Variants in RBFOX1 observed in about 807,000 individuals in gnomAD.
The protein encoded by RBFOX1 is RNA binding protein fox-1 homolog 1.
RBFOX1 carries 8 observed loss-of-function variants against 57.7 expected under a neutral mutation model. That is an observed-to-expected ratio of 0.14 (90% CI 0.08 to 0.25). The LOEUF is 0.25. Ranked by LOEUF, RBFOX1 falls within the 10% of genes least tolerant of loss-of-function variation. RBFOX1 has a pLI of 1.00. For missense variants in RBFOX1, 611 were observed against 548.5 expected, an observed-to-expected ratio of 1.11 and a Z score of -1.14; for synonymous variants, 326 against 222.4, an observed-to-expected ratio of 1.47 and a Z score of -4.15.
chr16:6,761,186 A>G (rs1419513737), intron 3 of RBFOX1, among the ~76,000 whole-genome samples: 1 of 152,156 alleles, frequency 6.6e-6, no homozygotes, highest in Non-Finnish European at 1.5e-5. Flanking sequence ...ACTTTATTTT[A>G]GAACTAAAGG....
intron 3 of RBFOX1, among the ~76,000 whole-genome samples, chr16:6,767,019 A>G (rs1052708139): frequency 1.1e-4 from 17 of 152,126 alleles, no homozygotes; most frequent in Non-Finnish European, 2.5e-4. Context: ...ATTTCTGGTC[A>G]TGGCGAGGTC....
chr16:6,036,812 G>T (rs569892037), intron 1 of RBFOX1, among the ~76,000 whole-genome samples: 1 of 152,322 alleles, frequency 6.6e-6, no homozygotes, highest in Non-Finnish European at 1.5e-5. Context: ...TATCTGGGCA[G>T]AAGGCTCATA....
At chr16:7,492,691 A>T (rs566652385) in intron 4 of RBFOX1, among the ~76,000 whole-genome samples, 1 of 152,254 alleles carries the variant, frequency 6.6e-6, no homozygotes, top group East Asian at 1.9e-4. Context: ...GTTTAGTGCC[A>T]TACCCTTGGT....
chr16:7,157,823 T>C lies in RBFOX1; in HGVS notation c.27+105725T>C, dbSNP rs140629007. ...GTTTTCCCTTTGGTTTTAAAGAAAA[T>C]GTAGATAAAAATCTGATAGTCTACT... On this transcript the variant is annotated intron_variant, in intron 4 of 15. Transcript: ENST00000550418. Among the ~76,000 whole-genome samples the C allele has an allele frequency of 7.9e-3, 1,206 of 152,252 alleles. 18 individuals carry two copies. Among genetic ancestry groups the C allele is most frequent in the African/African-American group, 0.027 (1,137 of 41,544 alleles).
intron 2 of RBFOX1, among the ~76,000 whole-genome samples, chr16:5,506,646 C>T (rs928747441): frequency 5.9e-5 from 9 of 152,246 alleles, no homozygotes; most frequent in African/African-American, 2.2e-4. Flanking sequence ...GGCCTGATCA[C>T]AGAGAAGGTG....
chr16:5,358,668 A>G (rs1168920190), intron 1 of RBFOX1, among the ~76,000 whole-genome samples: 2 of 152,214 alleles, frequency 1.3e-5, no homozygotes, highest in African/African-American at 4.8e-5. Context: ...TACTAAAAAT[A>G]CAAAATTAGC....
intron 1 of RBFOX1, among the ~76,000 whole-genome samples, chr16:6,164,092 C>G (rs1597952819): frequency 6.6e-6 from 1 of 152,154 alleles, no homozygotes; most frequent in Admixed American, 6.5e-5. Context: ...TCACGCTGTA[C>G]TCAATGTTGC....
chr16:5,700,686 C>T (rs774438581), intron 3 of RBFOX1, among the ~76,000 whole-genome samples: 10 of 152,132 alleles, frequency 6.6e-5, no homozygotes, highest in East Asian at 1.9e-4. Flanking sequence ...TGTTTTTGCC[C>T]GCTTCTGAGA....
intron 2 of RBFOX1, among the ~76,000 whole-genome samples, chr16:6,615,928 C>A (rs2098134706): frequency 6.6e-6 from 1 of 152,130 alleles, no homozygotes; most frequent in African/African-American, 2.4e-5. Flanking sequence ...TCCCTCGGTG[C>A]AGAAACTATC....
intron 3 of RBFOX1, among the ~76,000 whole-genome samples, chr16:6,967,937 G>C (rs1407181587): frequency 6.6e-6 from 1 of 152,154 alleles, no homozygotes; most frequent in South Asian, 2.1e-4. Context: ...AGCTGCCCCG[G>C]GTGCCAGAAG....
At chr16:7,190,902 A>G (rs9940878) in intron 4 of RBFOX1, among the ~76,000 whole-genome samples, 1,746 of 152,252 alleles carry the variant, frequency 0.011, 32 homozygotes, top group African/African-American at 0.04. Flanking sequence ...GAGAATCATG[A>G]AGGAAGCATA....
chr16:5,760,022 A>C (rs2151641714), intron 3 of RBFOX1, among the ~76,000 whole-genome samples: 1 of 151,552 alleles, frequency 6.6e-6, no homozygotes, highest in Non-Finnish European at 1.5e-5. Flanking sequence ...AAAAAAAAAA[A>C]CCTTGTATTT....
At chr16:7,385,123 A>G (rs1025373388) in intron 4 of RBFOX1, among the ~76,000 whole-genome samples, 3 of 152,250 alleles carry the variant, frequency 2.0e-5, no homozygotes, top group African/African-American at 7.2e-5. Context: ...AGGTCTGAGA[A>G]TTGGGCAAAG....
chr16:5,944,075 A>G (rs775159011), intron 4 of RBFOX1, among the ~76,000 whole-genome samples: 2 of 152,106 alleles, frequency 1.3e-5, no homozygotes, highest in African/African-American at 4.8e-5. Flanking sequence ...CATTCAGCCC[A>G]CATACATAGA....
chr16:7,213,778 A>C (rs1603263122), intron 4 of RBFOX1, among the ~76,000 whole-genome samples: 1 of 152,108 alleles, frequency 6.6e-6, no homozygotes, highest in Non-Finnish European at 1.5e-5. Flanking sequence ...CCATAAACCA[A>C]CTCAAATCTA....
intron 5 of RBFOX1, among the ~76,000 whole-genome samples, chr16:7,533,919 T>A (rs1001280761): frequency 7.9e-5 from 12 of 152,088 alleles, no homozygotes; most frequent in Non-Finnish European, 1.8e-4. Flanking sequence ...ATGATTTAAG[T>A]CAATTAATTC....
rs1320491058 is a variant in RBFOX1 at position 7,471,976 on chromosome 16, G to A, written c.28-46171G>A. 2.0e-5 allele frequency among the ~76,000 whole-genome samples: 3 copies of A among 152,124 alleles called. No individual in the cohort carries two copies. The East Asian group carries it at 5.8e-4, about 29-fold the overall frequency. ...CTGACAAAAAAGGTGCTTGGGACTG[G>A]ATCTTTCACAGAGTACAAATGAGGT... On this transcript the variant is annotated intron_variant, in intron 4 of 15. Coordinates refer to ENST00000550418, the MANE Select transcript of RBFOX1 (RefSeq NM_018723.4).
chr16:7,168,300 C>T lies in RBFOX1; in HGVS notation c.27+116202C>T, dbSNP rs1219112143. ...TTCTTCTTCTCAGCATGAAATGGACCAAGGTCTGTTTTGCAGCTGAGACAT... is the reference window on the plus strand; with the variant it reads ...TTCTTCTTCTCAGCATGAAATGGACTAAGGTCTGTTTTGCAGCTGAGACAT... On this transcript the variant is annotated intron_variant, in intron 4 of 15. Transcript: ENST00000550418. Among the ~76,000 whole-genome samples the T allele has an allele frequency of 2.0e-5, 3 of 151,496 alleles. No individual in the cohort carries two copies. The South Asian group carries it at 6.3e-4, about 32-fold the overall frequency.
At chr16:5,787,394 C>T (rs1337188460) in intron 3 of RBFOX1, among the ~76,000 whole-genome samples, 4 of 152,152 alleles carry the variant, frequency 2.6e-5, no homozygotes, top group Non-Finnish European at 5.9e-5. Context: ...AGACTTTATG[C>T]CCTAGGACAT....
Sources: allele counts gnomAD v4.1 joint callset (sites outside exome capture counted in the v4.1 genomes callset), GRCh38; gene constraint gnomAD v4.1.1; transcripts MANE v1.5; gene names NCBI Gene and HGNC (gene_info 2026-07-23, HGNC 2026-07-21).